PPP1R12B: variants seen among roughly 807,000 people sequenced by gnomAD.
PPP1R12B encodes the protein protein phosphatase 1 regulatory subunit 12B, also known as myosin phosphatase target subunit 2.
In PPP1R12B, 76 loss-of-function variants were observed where a neutral mutation model predicts 126.1. That is an observed-to-expected ratio of 0.60 (90% CI 0.50 to 0.73). The LOEUF (loss-of-function observed/expected upper bound fraction) is 0.73. Ranked by LOEUF, PPP1R12B falls within the 30% of genes least tolerant of loss-of-function variation. PPP1R12B has a pLI of 0.00. For missense variants in PPP1R12B, 1,052 were observed against 1,205.1 expected, an observed-to-expected ratio of 0.87 and a Z score of 1.88; for synonymous variants, 356 against 434.7, an observed-to-expected ratio of 0.82 and a Z score of 2.25.
chr1:202,535,051 GTGTA>G (rs1343324679), intron 18 of PPP1R12B, among the ~76,000 whole-genome samples: 46 of 151,064 alleles, frequency 3.0e-4, no homozygotes, highest in Admixed American at 5.3e-4. Flanking sequence ...ATGTGTGTGT[GTGTA>G]TGTGTGTGTG....
At chr1:202,453,940 A>G (rs1371240426) in intron 13 of PPP1R12B, among the ~76,000 whole-genome samples, 1 of 152,172 alleles carries the variant, frequency 6.6e-6, no homozygotes, top group Non-Finnish European at 1.5e-5. Flanking sequence ...TGAATAGTAA[A>G]TGCTTCTATA....
chr1:202,375,481 C>G (rs766359354), intron 1 of PPP1R12B, among the ~76,000 whole-genome samples: 1 of 152,198 alleles, frequency 6.6e-6, no homozygotes, highest in African/African-American at 2.4e-5. Flanking sequence ...TGTCTCTCTT[C>G]TTTGACTACC....
chr1:202,518,037 C>G (rs986867352), intron 18 of PPP1R12B, among the ~76,000 whole-genome samples: 1 of 152,132 alleles, frequency 6.6e-6, no homozygotes, highest in Non-Finnish European at 1.5e-5. Flanking sequence ...GTTGGGAATG[C>G]AAATTAGTCA....
At chr1:202,529,210 G>A (rs11810885) in intron 18 of PPP1R12B, among the ~76,000 whole-genome samples, 6,157 of 151,700 alleles carry the variant, frequency 0.041, 337 homozygotes, top group African/African-American at 0.12. Flanking sequence ...CATTGCATAT[G>A]TCAGAAGTAT....
In PPP1R12B at chr1:202,565,957, T is replaced by C. The variant is rs1688008266; in HGVS notation, c.2757+1410T>C. ...CTCAAAAGAAATCTGGGGCTAATTT[T>C]TATTCTGAATGGCGCCACATATTGG... On this transcript the variant is annotated intron_variant, in intron 21 of 23. Coordinates refer to ENST00000608999, the MANE Select transcript of PPP1R12B (RefSeq NM_002481.4). The surrounding 1 kb of genome is among the most constrained non-coding windows in gnomAD (Gnocchi z 4.3). Among the ~76,000 whole-genome samples the C allele has an allele frequency of 6.6e-6, 1 of 152,192 alleles. No homozygotes were observed. Among genetic ancestry groups the C allele is most frequent in the Non-Finnish European group, 1.5e-5 (1 of 68,034 alleles).
intron 18 of PPP1R12B, among the ~76,000 whole-genome samples, chr1:202,497,289 C>T (rs1679677297): frequency 6.6e-6 from 1 of 152,152 alleles, no homozygotes; most frequent in Admixed American, 6.5e-5. Flanking sequence ...ATAACTCTGC[C>T]CTTTTAAGGC....
intron 13 of PPP1R12B, among the ~76,000 whole-genome samples, chr1:202,451,168 AT>A (rs1672873264): frequency 6.8e-6 from 1 of 147,684 alleles, no homozygotes; most frequent in African/African-American, 2.5e-5. Flanking sequence ...TTTATTTTTT[AT>A]TTTTTATTTA....
At chr1:202,559,577 A>G (rs1220463636) in intron 19 of PPP1R12B, among the ~76,000 whole-genome samples, 1 of 152,186 alleles carries the variant, frequency 6.6e-6, no homozygotes, top group Non-Finnish European at 1.5e-5. Context: ...AAAATAATAG[A>G]CTATAGAGCC....
chr1:202,541,267 T>C (rs1401691615), intron 18 of PPP1R12B, among the ~76,000 whole-genome samples: 1 of 152,088 alleles, frequency 6.6e-6, no homozygotes, highest in African/African-American at 2.4e-5. Context: ...GCATTTTCAA[T>C]GTCTTTCTTA....
intron 12 of PPP1R12B, among the ~76,000 whole-genome samples, chr1:202,445,766 G>A (rs1672151440): frequency 6.6e-6 from 1 of 152,150 alleles, no homozygotes; most frequent in East Asian, 1.9e-4. Flanking sequence ...ACTGTGTTGT[G>A]GGGGCAGTAT....
At chr1:202,517,666 C>T (rs1682315210) in intron 18 of PPP1R12B, among the ~76,000 whole-genome samples, 1 of 151,804 alleles carries the variant, frequency 6.6e-6, no homozygotes, top group African/African-American at 2.4e-5. Flanking sequence ...TGCTCTGCCA[C>T]CCAGGCTGGA....
At chr1:202,390,843 C>T (rs145942441) in intron 1 of PPP1R12B, among the ~76,000 whole-genome samples, 111 of 152,262 alleles carry the variant, frequency 7.3e-4, no homozygotes, top group African/African-American at 2.5e-3. Context: ...AGGTAGATCA[C>T]TTGAGTCCTG....
chr1:202,505,475 T>C (rs894488879), intron 18 of PPP1R12B, among the ~76,000 whole-genome samples: 1 of 152,252 alleles, frequency 6.6e-6, no homozygotes, highest in African/African-American at 2.4e-5. Context: ...TTTAATCTTG[T>C]GAAACCACTT....
chr1:202,496,127 G>C (rs1423962382), intron 17 of PPP1R12B, among the ~76,000 whole-genome samples: 1 of 152,174 alleles, frequency 6.6e-6, no homozygotes, highest in Non-Finnish European at 1.5e-5. Context: ...AAACCTCTAA[G>C]TAATACAAGT....
intron 13 of PPP1R12B, among the ~76,000 whole-genome samples, chr1:202,463,527 A>G (rs963588265): frequency 5.3e-5 from 8 of 152,194 alleles, no homozygotes; most frequent in African/African-American, 1.9e-4. Context: ...ATTTAGGGCA[A>G]TTACAGAAAG....
At chr1:202,556,384 C>T (rs1686942309) in intron 18 of PPP1R12B, among the ~76,000 whole-genome samples, 1 of 152,156 alleles carries the variant, frequency 6.6e-6, no homozygotes, top group South Asian at 2.1e-4. Context: ...AGAGCATTAA[C>T]AATTCAATTC....
intron 18 of PPP1R12B, among the ~76,000 whole-genome samples, chr1:202,554,033 T>A (rs1274844704): frequency 2.0e-5 from 3 of 152,098 alleles, no homozygotes; most frequent in Non-Finnish European, 4.4e-5. Flanking sequence ...AAATTAAAGT[T>A]AAGTCTTCTG....
At chr1:202,430,253 T>C (rs1238985460) in intron 6 of PPP1R12B, among the ~76,000 whole-genome samples, 3 of 152,238 alleles carry the variant, frequency 2.0e-5, no homozygotes, top group Admixed American at 2.0e-4. Context: ...ATAGTACTTA[T>C]CTTTGCCCTC....
intron 13 of PPP1R12B, among the ~76,000 whole-genome samples, chr1:202,479,920 A>G (rs184672964): frequency 2.6e-5 from 4 of 152,288 alleles, no homozygotes; most frequent in Admixed American, 2.6e-4. Flanking sequence ...TGCCAGGGGG[A>G]AAAAATATCC....
Sources: gnomAD v4.1 joint callset for allele counts (sites outside exome capture counted in the v4.1 genomes callset) on GRCh38, gnomAD v4.1.1 for gene constraint, Gnocchi (gnomAD v3.1) non-coding constraint, MANE v1.5 for transcripts, NCBI Gene and HGNC (gene_info 2026-07-23, HGNC 2026-07-21) for gene names.